TRIM25: variants seen among roughly 807,000 people sequenced by gnomAD.
TRIM25 encodes the protein E3 ubiquitin/ISG15 ligase TRIM25.
TRIM25 carries 45 observed loss-of-function variants against 65.2 expected under a neutral mutation model. That is an observed-to-expected ratio of 0.69 (90% confidence interval 0.54 to 0.89). The LOEUF is 0.89. Ranked by LOEUF, TRIM25 falls within the 40% of genes least tolerant of loss-of-function variation. The pLI, the probability that TRIM25 is intolerant of heterozygous loss-of-function variation, is 0.00. For synonymous variants in TRIM25, 321 were observed against 340.4 expected, an observed-to-expected ratio of 0.94 and a Z score of 0.63; for missense variants, 714 against 803.7, an observed-to-expected ratio of 0.89 and a Z score of 1.35.
At chr17:56,895,649 C>A in intron 6 of TRIM25, 45 bp from the exon 7 acceptor site, 1 of 1,513,522 alleles carries the variant, frequency 6.6e-7, no homozygotes. Flanking sequence ...AACGGGATGG[C>A]CTCTACTCCC....
chr17:56,910,770 G>T (rs1909610471), intron 1 of TRIM25, among the ~76,000 whole-genome samples: 1 of 152,190 alleles, frequency 6.6e-6, no homozygotes, highest in Admixed American at 6.5e-5. Context: ...CACATGGGAG[G>T]CACCAGAGTC....
intron 1 of TRIM25, 113 bp from the exon 2 acceptor site, chr17:56,908,676 G>A: frequency 9.5e-7 from 1 of 1,055,428 alleles, no homozygotes; most frequent in Non-Finnish European, 1.4e-6. Context: ...CTCCACCCAA[G>A]TCTTGCCACC....
At chr17:56,909,421 A>C (rs1374566177) in intron 1 of TRIM25, among the ~76,000 whole-genome samples, 1 of 152,156 alleles carries the variant, frequency 6.6e-6, no homozygotes, top group African/African-American at 2.4e-5. Flanking sequence ...GCAGTGGCTC[A>C]TGCCTGTAAT....
rs988476993 is a variant in TRIM25, at chr17:56,899,146, G to C, written c.1122C>G (p.His374Gln). 17 of 1,614,030 alleles carry C rather than the reference G, an allele frequency of 1.1e-5. No individual in the cohort carries two copies. In the South Asian group the frequency reaches 1.9e-4, roughly 18 times the overall value. The part of the protein sequence containing the change: ...DPGEHDPAST[H>Q]KSTRPVKKVS... ...CCTTCTTCACAGGGCGTGTGGATTT[G>C]TGTGTGGACGCTGGGTCATGCTCTC... Residue 374 changes from histidine (H) to glutamine (Q), a missense_variant, in exon 5 of 9, where the codon CAC becomes CAG. By Grantham distance (24) the His-to-Gln change is conservative. Coordinates refer to ENST00000316881, the MANE Select transcript of TRIM25 (RefSeq NM_005082.5).
At chr17:56,896,508 A>G (rs1909297125) in intron 5 of TRIM25, among the ~76,000 whole-genome samples, 1 of 151,798 alleles carries the variant, frequency 6.6e-6, no homozygotes, top group Admixed American at 6.6e-5. Flanking sequence ...CAAAAAAAAA[A>G]AAAAAGAAAA....
At chr17:56,902,438 AAAC>A (rs1225326758) in intron 3 of TRIM25, among the ~76,000 whole-genome samples, 1 of 152,232 alleles carries the variant, frequency 6.6e-6, no homozygotes, top group Non-Finnish European at 1.5e-5. Context: ...TGCACATCTG[AAAC>A]AACATCACCC....
In TRIM25 at chr17:56,895,419, T is replaced by C. The variant is rs764537015; in HGVS notation, c.1287A>G (p.Ser429=). 19 of 1,614,042 alleles carry C rather than the reference T, an allele frequency of 1.2e-5. No individual in the cohort carries two copies. The highest frequency in any genetic ancestry group is 1.0e-4 in the Admixed American group (6 of 59,998). The change falls in exon 8 of 9, where the codon TCA becomes TCG. Residue 429 remains serine, a synonymous_variant. Transcript: ENST00000316881. ...GLEAAAKATS[S]HPNSTSLKAK... ...CCTTGAGAGATGTTGAGTTCGGATGTGAGCTGGTGGCTTTGGCTGCAGCTG... is the reference window on the plus strand; with the variant it reads ...CCTTGAGAGATGTTGAGTTCGGATGCGAGCTGGTGGCTTTGGCTGCAGCTG...
chr17:56,911,164 G>T (rs1388871613), intron 1 of TRIM25, among the ~76,000 whole-genome samples: 6 of 152,176 alleles, frequency 3.9e-5, no homozygotes. Context: ...AGCTACTCAG[G>T]AGGCTGAGGC....
In TRIM25 at chr17:56,905,216, T is replaced by A. The variant is rs1332201837; in HGVS notation, c.694-728A>T. Reference sequence around the variant, plus strand: ...CCATCTCTACTAAAAATACAAAAATTAGCTGGTTGTGGCAGCGCGCACCTG... The same window carrying A: ...CCATCTCTACTAAAAATACAAAAATAAGCTGGTTGTGGCAGCGCGCACCTG... On this transcript the variant is annotated intron_variant, in intron 2 of 8. Coordinates refer to ENST00000316881, the MANE Select transcript of TRIM25 (RefSeq NM_005082.5). Among the ~76,000 whole-genome samples, 2 of 152,096 alleles carry A rather than the reference T, an allele frequency of 1.3e-5. 1 individual carries two copies. Among genetic ancestry groups the A allele is most frequent in the African/African-American group, 4.8e-5 (2 of 41,418 alleles).
At chr17:56,907,549 G>C (rs1292126403) in intron 2 of TRIM25, among the ~76,000 whole-genome samples, 3 of 152,148 alleles carry the variant, frequency 2.0e-5, no homozygotes, top group Non-Finnish European at 2.9e-5. Flanking sequence ...GTAAAAATCT[G>C]ATCTTTCCAT....
intron 4 of TRIM25, among the ~76,000 whole-genome samples, chr17:56,900,072 G>A (rs565117669): frequency 1.5e-4 from 23 of 152,188 alleles, no homozygotes; most frequent in Non-Finnish European, 2.6e-4. Flanking sequence ...AAATTAGCCA[G>A]GTGTGGTGGC....
At chr17:56,908,142 T>C (rs192769836) in intron 2 of TRIM25, among the ~76,000 whole-genome samples, 22 of 152,340 alleles carry the variant, frequency 1.4e-4, no homozygotes, top group Non-Finnish European at 2.6e-4. Flanking sequence ...TTTTTGTAAA[T>C]AGATGCAACC....
chr17:56,913,632 GCACGTCTT>G lies in TRIM25; in HGVS notation c.349_356del (p.Lys117LeufsTer65). ...GACAGAAGGAGGCCATGCACACCAA[GCACGTCTT>G]CACGGCGGCCTCCTTCAGGCAGTGG... On this transcript the variant is annotated frameshift_variant, in exon 1 of 9. Transcript: ENST00000316881. LOFTEE classifies it high-confidence loss of function. This position sits in a 1 kb window ranked among gnomAD's most constrained non-coding sequence, Gnocchi z 6.1. The G allele has an allele frequency of 6.2e-7, 1 of 1,602,270 alleles. No homozygotes were observed. The highest frequency in any genetic ancestry group is 1.1e-5 in the South Asian group (1 of 90,136).
intron 4 of TRIM25, among the ~76,000 whole-genome samples, chr17:56,900,824 A>T (rs900117226): frequency 6.6e-6 from 1 of 152,180 alleles, no homozygotes; most frequent in African/African-American, 2.4e-5. Context: ...TAGGAAGCCT[A>T]GTGAGAGGGC....
In TRIM25 at chr17:56,904,276, C is replaced by T. The variant is rs1470917137; in HGVS notation, c.906G>A (p.Arg302=). The T allele has an allele frequency of 3.1e-6, 5 of 1,613,770 alleles. No individual in the cohort carries two copies. The East Asian group carries it at 8.9e-5, about 29-fold the overall frequency. The change falls in exon 3 of 9, where the codon AGG becomes AGA. Residue 302 remains arginine (R), a synonymous_variant. Coordinates refer to ENST00000316881, the MANE Select transcript of TRIM25 (RefSeq NM_005082.5). ...KEEIEQSLTK[R]DEFEFLEKAS... ...CTACCTCCAGAAACTCGAACTCATC[C>T]CTCTTGGTCAGGCTCTGTTCAATCT...
intron 3 of TRIM25, among the ~76,000 whole-genome samples, chr17:56,902,891 C>T (rs1909441070): frequency 1.3e-5 from 2 of 152,164 alleles, no homozygotes; most frequent in African/African-American, 4.8e-5. Flanking sequence ...CAGGTGAGTT[C>T]TTGCACAAAC....
intron 8 of TRIM25, among the ~76,000 whole-genome samples, chr17:56,893,417 G>C (rs891207647): frequency 6.6e-6 from 1 of 152,228 alleles, no homozygotes; most frequent in Non-Finnish European, 1.5e-5. Flanking sequence ...AGCAGCTTGG[G>C]CAAGAGTTAG....
chr17:56,900,193 G>A (rs1909380921), intron 4 of TRIM25, among the ~76,000 whole-genome samples: 1 of 151,110 alleles, frequency 6.6e-6, no homozygotes, highest in Non-Finnish European at 1.5e-5. Flanking sequence ...CAGCCTGGGT[G>A]ACAGAGCGAG....
rs1287826464 is a variant in TRIM25 at position 56,891,736 on chromosome 17, A to C, written c.1857T>G (p.Ser619=). 1.2e-6 allele frequency: 2 copies of C among 1,614,088 alleles called. No individual in the cohort carries two copies. Among genetic ancestry groups the C allele is most frequent in the Non-Finnish European group, 1.7e-6 (2 of 1,179,956 alleles). ...AGCAGATGGAGAGTGTGGCACCAGC[A>C]GAAAATACCCAGAAAGCCGGGTACA... ...EALYPAFWVF[S]AGATLSICSP... The change falls in exon 9 of 9, where the codon TCT becomes TCG. Residue 619 remains serine (S), a synonymous_variant. Coordinates refer to ENST00000316881, the MANE Select transcript of TRIM25 (RefSeq NM_005082.5).
Sources: gnomAD v4.1 joint callset for allele counts (sites outside exome capture counted in the v4.1 genomes callset) on GRCh38, gnomAD v4.1.1 for gene constraint, Gnocchi (gnomAD v3.1) non-coding constraint, MANE v1.5 for transcripts, NCBI Gene and HGNC (gene_info 2026-07-23, HGNC 2026-07-21) for gene names.